ANKS1B: variants seen among roughly 807,000 people sequenced by gnomAD.
ANKS1B encodes ankyrin repeat and sterile alpha motif domain-containing protein 1B.
ANKS1B carries 36 observed loss-of-function variants against 148.3 expected under a neutral mutation model. The ratio of observed to expected loss-of-function variants is 0.24; its 90% CI spans 0.19 to 0.32. ANKS1B has a LOEUF of 0.32. Ranked by LOEUF, ANKS1B falls within the 10% of genes least tolerant of loss-of-function variation. The pLI is 1.00. For synonymous variants in ANKS1B, 542 were observed against 560.8 expected (o/e 0.97, Z 0.47); for missense variants, 1,157 against 1,542.6 (o/e 0.75, Z 4.19).
At chr12:99,068,494 ATGT>A (rs2045226701) in intron 16 of ANKS1B, among the ~76,000 whole-genome samples, 1 of 152,196 alleles carries the variant, frequency 6.6e-6, no homozygotes, top group Admixed American at 6.5e-5. Flanking sequence ...ACTGACCCAA[ATGT>A]TGTTATATGG....
intron 15 of ANKS1B, among the ~76,000 whole-genome samples, chr12:99,087,742 A>G (rs908130922): frequency 1.3e-5 from 2 of 152,214 alleles, no homozygotes; most frequent in African/African-American, 2.4e-5. Context: ...ACTTCAGCCC[A>G]TGTAGAATAG....
intron 9 of ANKS1B, among the ~76,000 whole-genome samples, chr12:99,561,241 C>T (rs3913426): frequency 0.48 from 72,932 of 152,012 alleles, 17,838 homozygotes; most frequent in East Asian, 0.61. Context: ...TGCTGTTTGA[C>T]AGCATTTTAC....
In ANKS1B at chr12:99,595,720, T is replaced by TC. The variant is rs1346194076; in HGVS notation, c.1272+59346_1272+59347insG. ...ACTTGGGTTAAAACATGCCCCTGTA[T>TC]AATACCTCTTAACACCTTTAAATAA... On this transcript the variant is annotated intron_variant, in intron 9 of 26. Coordinates refer to ENST00000683438, the MANE Select transcript of ANKS1B (RefSeq NM_001352186.2). 3.3e-5 allele frequency among the ~76,000 whole-genome samples: 5 copies of TC among 151,942 alleles called. No homozygotes were observed. The East Asian group carries it at 9.6e-4, about 29-fold the overall frequency.
chr12:98,842,493 AT>A (rs1377895113), intron 17 of ANKS1B, among the ~76,000 whole-genome samples: 1 of 152,206 alleles, frequency 6.6e-6, no homozygotes. Context: ...CTAAAATGGG[AT>A]TGTGTTGATG....
chr12:99,615,318 A>G (rs1287580011), intron 9 of ANKS1B, among the ~76,000 whole-genome samples: 1 of 152,198 alleles, frequency 6.6e-6, no homozygotes, highest in Non-Finnish European at 1.5e-5. Flanking sequence ...TCATTTTTCA[A>G]CTTCTTTGAA....
chr12:99,735,239 A>G (rs1454529516), intron 8 of ANKS1B, among the ~76,000 whole-genome samples: 1 of 152,170 alleles, frequency 6.6e-6, no homozygotes, highest in East Asian at 1.9e-4. Flanking sequence ...CCAAATCCCA[A>G]AGTTAGCAGA....
intron 15 of ANKS1B, among the ~76,000 whole-genome samples, chr12:99,149,545 C>G (rs2074268072): frequency 6.6e-6 from 1 of 152,130 alleles, no homozygotes; most frequent in Non-Finnish European, 1.5e-5. Flanking sequence ...CCAAGTCAAT[C>G]TAGATGGCAA....
intron 12 of ANKS1B, among the ~76,000 whole-genome samples, chr12:99,314,883 A>G (rs774358768): frequency 1.3e-5 from 2 of 152,224 alleles, no homozygotes; most frequent in Non-Finnish European, 2.9e-5. Flanking sequence ...CAAAAACACC[A>G]AAAGCAATTG....
At chr12:99,143,406 G>A (rs566062140) in intron 15 of ANKS1B, among the ~76,000 whole-genome samples, 3 of 152,220 alleles carry the variant, frequency 2.0e-5, no homozygotes, top group East Asian at 1.9e-4. Context: ...CAATGCCTGC[G>A]ATGCGCTTGA....
intron 12 of ANKS1B, among the ~76,000 whole-genome samples, chr12:99,334,606 A>G (rs2088372075): frequency 6.6e-6 from 1 of 152,100 alleles, no homozygotes; most frequent in African/African-American, 2.4e-5. Context: ...GCACATTTGA[A>G]AAAGCATGCA....
chr12:99,656,311 G>A lies in ANKS1B; in HGVS notation c.1129-1101C>T, dbSNP rs560417985. Among the ~76,000 whole-genome samples, 241 of 152,152 alleles carry A rather than the reference G, an allele frequency of 1.6e-3. 1 individual carries two copies. Among genetic ancestry groups the A allele is most frequent in the Non-Finnish European group, 3.0e-3 (206 of 67,996 alleles). On this transcript the variant is annotated intron_variant, in intron 8 of 26. Transcript: ENST00000683438. The stretch of plus-strand genomic sequence containing the variant: ...AGAAACAGACCTCCTAAGAAAAAAG[G>A]TCTATAAATAAGCAGGAAAATGGTG...
rs2097861509 is a variant in ANKS1B at position 98,745,489 on chromosome 12, G to A, written c.*250C>T. 8.5e-7 allele frequency: 1 copy of A among 1,174,618 alleles called. No individual in the cohort carries two copies. Among genetic ancestry groups the A allele is most frequent in the Non-Finnish European group, 1.1e-6 (1 of 948,616 alleles). 72.8% of individuals were successfully genotyped at this position (1,174,618 alleles called of 1,614,324 possible). On this transcript the variant is annotated 3_prime_UTR_variant, in exon 27 of 27. Transcript: ENST00000683438. ...ACCTTGGGAGGTGGTGGGGAGGGGA[G>A]TCGGGAGCATCAGGGAAAACCCATC...
intron 15 of ANKS1B, among the ~76,000 whole-genome samples, chr12:99,132,236 T>G (rs1050476970): frequency 3.3e-5 from 5 of 152,072 alleles, no homozygotes; most frequent in Non-Finnish European, 7.4e-5. Flanking sequence ...TGAGAAGCCC[T>G]GAGAAGAAAG....
Position 99,473,305 on chromosome 12 carries a change from A to G in ANKS1B, c.1439-29496T>C, listed in dbSNP as rs1033920191. Among the ~76,000 whole-genome samples, 103 of 152,110 alleles carry G rather than the reference A, an allele frequency of 6.8e-4. 1 individual carries two copies. Among genetic ancestry groups the G allele is most frequent in the Non-Finnish European group, 7.4e-5 (5 of 67,898 alleles). Reference sequence around the variant, plus strand: ...TTTATAATCCTACTGTTTTATTTTAACTAATACATAGTGTTCCATTTTATT... The same window carrying G: ...TTTATAATCCTACTGTTTTATTTTAGCTAATACATAGTGTTCCATTTTATT... On this transcript the variant is annotated intron_variant, in intron 10 of 26. Transcript: ENST00000683438.
chr12:99,767,623 A>G (rs116945474), intron 8 of ANKS1B, among the ~76,000 whole-genome samples: 4,858 of 152,180 alleles, frequency 0.032, 107 homozygotes, highest in Non-Finnish European at 0.051. Context: ...GAAAACCTAA[A>G]TTTCATGAGT....
At chr12:98,821,306 A>G (rs1011333609) in intron 19 of ANKS1B, among the ~76,000 whole-genome samples, 1 of 152,256 alleles carries the variant, frequency 6.6e-6, no homozygotes, top group African/African-American at 2.4e-5. Flanking sequence ...TTCCAAAGTC[A>G]GAGTGGATTT....
At chr12:99,201,395 C>T (rs2082052082) in intron 14 of ANKS1B, among the ~76,000 whole-genome samples, 1 of 151,852 alleles carries the variant, frequency 6.6e-6, no homozygotes, top group African/African-American at 2.4e-5. Flanking sequence ...TCTTAACTCA[C>T]TGGTAGGTGG....
chr12:98,842,690 G>C (rs1014676734), intron 17 of ANKS1B, among the ~76,000 whole-genome samples: 1 of 152,150 alleles, frequency 6.6e-6, no homozygotes, highest in Non-Finnish European at 1.5e-5. Flanking sequence ...CAGGCTGCTC[G>C]AGAAGACCTC....
intron 1 of ANKS1B, among the ~76,000 whole-genome samples, chr12:99,897,191 T>C (rs566685906): frequency 8.6e-5 from 13 of 151,262 alleles, no homozygotes; most frequent in African/African-American, 2.9e-4. Flanking sequence ...CCTTGACACA[T>C]ACATATTTAT....
Sources: allele counts gnomAD v4.1 joint callset (sites outside exome capture counted in the v4.1 genomes callset), GRCh38; gene constraint gnomAD v4.1.1; transcripts MANE v1.5; gene names NCBI Gene and HGNC (gene_info 2026-07-23, HGNC 2026-07-21).